CLPB: variants seen among roughly 807,000 people sequenced by gnomAD.
CLPB encodes the protein mitochondrial disaggregase.
Under a neutral mutation model 78.4 loss-of-function variants are expected in CLPB, and 40 were observed. The ratio of observed to expected loss-of-function variants is 0.51; its 90% CI spans 0.40 to 0.66. CLPB has a LOEUF of 0.66. CLPB is among the 30% of genes least tolerant of loss of function. The pLI is 0.00. For synonymous variants in CLPB, 333 were observed against 348.0 expected (o/e 0.96, Z 0.48); for missense variants, 780 against 886.9 (o/e 0.88, Z 1.53).
intron 5 of CLPB, among the ~76,000 whole-genome samples, chr11:72,358,368 A>G (rs1379592283): frequency 6.6e-6 from 1 of 152,176 alleles, no homozygotes; most frequent in Non-Finnish European, 1.5e-5. Context: ...GGTTGTGACA[A>G]GTGTAATGAC....
Position 72,297,836 on chromosome 11 carries a change from A to G in CLPB, c.1330-2188T>C, listed in dbSNP as rs546797244. ...CCTAGCAGCAATTTCATTCTCAGAG[A>G]TCAAAGCTCTGCTCATAACTGGGCC... On this transcript the variant is annotated intron_variant, in intron 11 of 15. Coordinates refer to ENST00000538039, the MANE Select transcript of CLPB (RefSeq NM_001258392.3). 5.3e-5 allele frequency among the ~76,000 whole-genome samples: 8 copies of G among 152,128 alleles called. No individual in the cohort carries two copies. In the South Asian group the frequency reaches 1.7e-3, roughly 32 times the overall value.
chr11:72,363,392 A>C (rs1255201584), intron 4 of CLPB: 2 of 152,064 alleles, frequency 1.3e-5, no homozygotes, highest in Admixed American at 6.6e-5. Context: ...GGTGAAGACA[A>C]CCCTAGCTTT....
chr11:72,339,133 C>T (rs1950372883), intron 5 of CLPB, among the ~76,000 whole-genome samples: 3 of 152,182 alleles, frequency 2.0e-5, no homozygotes, highest in Non-Finnish European at 4.4e-5. Context: ...CTCATCAAAT[C>T]TGCAGATGTA....
intron 2 of CLPB, among the ~76,000 whole-genome samples, chr11:72,417,481 T>C (rs978877080): frequency 6.6e-6 from 1 of 152,018 alleles, no homozygotes; most frequent in Non-Finnish European, 1.5e-5. Context: ...TTTCTGAGGG[T>C]CCGGGGTGGG....
At position 72,394,517 on chromosome 11, in the gene CLPB, G is replaced by A. The variant is rs374840220; in HGVS notation, c.542+8449C>T. ...GAACCCCAGGACAGAACAGAGCATT[G>A]GGCCCAGGAAGTATACCCTGAGACT... On this transcript the variant is annotated intron_variant, in intron 3 of 15. Transcript: ENST00000538039. Among the ~76,000 whole-genome samples, 12 of 152,286 alleles carry A rather than the reference G, an allele frequency of 7.9e-5. No homozygotes were observed. The East Asian group carries it at 1.5e-3, about 20-fold the overall frequency.
At chr11:72,331,041 A>T (rs779694572) in intron 5 of CLPB, among the ~76,000 whole-genome samples, 64 of 152,252 alleles carry the variant, frequency 4.2e-4, no homozygotes, top group Admixed American at 9.8e-4. Context: ...TCCTATTGCA[A>T]GTCTCTACTT....
At position 72,308,618 on chromosome 11, in the gene CLPB, C is replaced by T. The variant is rs756424447; in HGVS notation, c.989-14G>A. On this transcript the variant is annotated splice_polypyrimidine_tract_variant and intron_variant, in intron 7 of 15. Coordinates refer to ENST00000538039, the MANE Select transcript of CLPB (RefSeq NM_001258392.3). The stretch of plus-strand genomic sequence containing the variant: ...TCCTCCGGATCGCTACGGCCAAACA[C>T]ACAAGATCAGGGGACAGGGAGGGAG... 1.9e-6 allele frequency: 3 copies of T among 1,612,510 alleles called. No individual in the cohort carries two copies. Among genetic ancestry groups the T allele is most frequent in the East Asian group, 2.2e-5 (1 of 44,870 alleles).
intron 3 of CLPB, among the ~76,000 whole-genome samples, chr11:72,387,554 C>G (rs896892175): frequency 6.6e-6 from 1 of 151,996 alleles, no homozygotes; most frequent in African/African-American, 2.4e-5. Context: ...GTTCTTGGAC[C>G]AGTGACTACA....
chr11:72,372,985 T>G lies in CLPB; in HGVS notation c.646+7296A>C, dbSNP rs769030277. 3 of 1,614,138 alleles carry G rather than the reference T, an allele frequency of 1.9e-6. No individual in the cohort carries two copies. The Admixed American group carries it at 5.0e-5, about 27-fold the overall frequency. On this transcript the variant is annotated intron_variant, in intron 4 of 15. Coordinates refer to ENST00000538039, the MANE Select transcript of CLPB (RefSeq NM_001258392.3). Reference sequence around the variant, plus strand: ...AGGGCACTTGTCCACTGGTTTGTGATGTGCCGGCTTGCACCGTCCTGTCCC... The same window carrying G: ...AGGGCACTTGTCCACTGGTTTGTGAGGTGCCGGCTTGCACCGTCCTGTCCC...
intron 6 of CLPB, among the ~76,000 whole-genome samples, chr11:72,325,113 A>G (rs891014158): frequency 6.6e-6 from 1 of 152,062 alleles, no homozygotes; most frequent in Non-Finnish European, 1.5e-5. Flanking sequence ...CCTCAGCTGA[A>G]TATTCATCAT....
intron 9 of CLPB, 72 bp downstream of exon 9, chr11:72,307,127 C>T: frequency 7.2e-7 from 1 of 1,389,222 alleles, no homozygotes; most frequent in Admixed American, 1.7e-5. Flanking sequence ...TTCAGAGGGT[C>T]AGATTTTTTG....
At chr11:72,351,391 A>G (rs572519314) in intron 5 of CLPB, 4 of 152,164 alleles carry the variant, frequency 2.6e-5, no homozygotes, top group Non-Finnish European at 5.9e-5. Flanking sequence ...CAAAGCAGTC[A>G]TGTTTTAAAT....
At chr11:72,394,100 T>G (rs1220325253) in intron 3 of CLPB, among the ~76,000 whole-genome samples, 4 of 152,232 alleles carry the variant, frequency 2.6e-5, no homozygotes, top group Admixed American at 2.6e-4. Flanking sequence ...CTGACTATAC[T>G]ATTTTTACAT....
chr11:72,416,595 G>C (rs1300843954), intron 2 of CLPB, among the ~76,000 whole-genome samples: 3 of 151,946 alleles, frequency 2.0e-5, no homozygotes, highest in Middle Eastern at 6.8e-3. Flanking sequence ...AATTAGCCAG[G>C]CATGGTGGCA....
At chr11:72,373,015 C>G in intron 4 of CLPB, 1 of 1,613,970 alleles carries the variant, frequency 6.2e-7, no homozygotes, top group Non-Finnish European at 8.5e-7. Context: ...TGTCCCCCAT[C>G]TGAAGACACA....
chr11:72,337,005 CT>C, intron 5 of CLPB: 1 of 398,994 alleles, frequency 2.5e-6, no homozygotes, highest in African/African-American at 2.1e-5. Context: ...CTACTTACTC[CT>C]TTTCCTGGCC....
intron 3 of CLPB, among the ~76,000 whole-genome samples, chr11:72,383,835 G>A (rs1474856226): frequency 6.6e-6 from 1 of 152,168 alleles, no homozygotes; most frequent in Non-Finnish European, 1.5e-5. Context: ...TCTTAGACAG[G>A]TCTGACGGTA....
intron 11 of CLPB, among the ~76,000 whole-genome samples, chr11:72,300,517 G>T (rs1426916300): frequency 6.6e-6 from 1 of 152,174 alleles, no homozygotes; most frequent in Non-Finnish European, 1.5e-5. Context: ...CTCAGCAGAG[G>T]TTCAGGGGCA....
Position 72,330,093 on chromosome 11 carries a change from T to C in CLPB, c.776-289A>G, listed in dbSNP as rs192615195. ...TAATATACCGCAGCACAAATACATG[T>C]AAACATACAATTTCATACATGTATT... is the stretch of plus-strand genomic sequence containing the variant. On this transcript the variant is annotated intron_variant, in intron 5 of 15. Transcript: ENST00000538039. Among the ~76,000 whole-genome samples, 6 of 152,318 alleles carry C rather than the reference T, an allele frequency of 3.9e-5. No homozygotes were observed. In the East Asian group the frequency reaches 1.2e-3, roughly 29 times the overall value.
Sources: gnomAD v4.1 joint callset for allele counts (sites outside exome capture counted in the v4.1 genomes callset) on GRCh38, gnomAD v4.1.1 for gene constraint, MANE v1.5 for transcripts, NCBI Gene and HGNC (gene_info 2026-07-23, HGNC 2026-07-21) for gene names.